The following DMD variants were observed in gnomAD, a reference collection of about 807,000 sequenced individuals.
DMD encodes dystrophin.
DMD carries 63 observed loss-of-function variants against 330.1 expected under a neutral mutation model. That is an observed-to-expected ratio of 0.19 (90% confidence interval 0.16 to 0.24). DMD has a LOEUF of 0.24. Ranked by LOEUF, DMD falls within the 10% of genes least tolerant of loss-of-function variation. DMD has a pLI of 1.00. For synonymous variants in DMD, 1,223 were observed against 959.8 expected, an observed-to-expected ratio of 1.27 and a Z score of -5.07; for missense variants, 3,344 against 2,684.1, an observed-to-expected ratio of 1.25 and a Z score of -5.43.
chrX:31,576,768 T>TTTTTTTTTTTTTTTTTTTCA (rs2076122222), intron 55 of DMD, among the ~76,000 whole-genome samples: 1 of 109,586 alleles, frequency 9.1e-6, no homozygotes, highest in African/African-American at 3.3e-5. Flanking sequence ...TGTTTTTTTT[T>TTTTTTTTTTTTTTTTTTTCA]GACAGAGTCT....
At chrX:32,974,387 T>C (rs1602339483) in intron 2 of DMD, among the ~76,000 whole-genome samples, 1 of 111,317 alleles carries the variant, frequency 9.0e-6, no homozygotes, top group East Asian at 2.8e-4. Flanking sequence ...TGCATAGCTC[T>C]GTGAACATAC....
intron 1 of DMD, among the ~76,000 whole-genome samples, chrX:33,105,061 T>C (rs2095273701): frequency 8.9e-6 from 1 of 112,293 alleles, no homozygotes; most frequent in East Asian, 2.8e-4. Context: ...AATTGCAACA[T>C]TTTAAAACGT....
At chrX:32,879,021 A>ACAAAAAAAAAAACAAACAAAC (rs1557109750) in intron 2 of DMD, among the ~76,000 whole-genome samples, 42 of 101,792 alleles carry the variant, frequency 4.1e-4, no homozygotes, top group African/African-American at 1.4e-3. Flanking sequence ...AAAAAAACAA[A>ACAAAAAAAAAAACAAACAAAC]AAACAAAAAA....
intron 51 of DMD, among the ~76,000 whole-genome samples, chrX:31,750,597 G>T (rs2088452329): frequency 9.0e-6 from 1 of 110,861 alleles, no homozygotes; most frequent in Non-Finnish European, 1.9e-5. Flanking sequence ...AGACAGGGAT[G>T]CCCTCTCTCA....
chrX:31,899,765 T>G (rs1431685232), intron 47 of DMD, among the ~76,000 whole-genome samples: 2 of 111,198 alleles, frequency 1.8e-5, no homozygotes, highest in African/African-American at 6.5e-5. Flanking sequence ...AATATGTATA[T>G]CCAAGCTCCA....
intron 7 of DMD, among the ~76,000 whole-genome samples, chrX:32,766,693 A>T (rs777225811): frequency 1.8e-4 from 20 of 111,377 alleles, no homozygotes; most frequent in Non-Finnish European, 3.6e-4. Context: ...TCTGATGAAA[A>T]TTTGAAATGC....
intron 60 of DMD, among the ~76,000 whole-genome samples, chrX:31,387,203 A>C (rs933085215): frequency 9.0e-6 from 1 of 111,546 alleles, no homozygotes; most frequent in East Asian, 2.8e-4. Context: ...TATGATCTGA[A>C]ATCTACAGCC....
At chrX:32,925,088 A>AT (rs200835242) in intron 2 of DMD, among the ~76,000 whole-genome samples, 1,341 of 95,226 alleles carry the variant, frequency 0.014, 25 homozygotes, top group African/African-American at 0.05. Context: ...CAGGAATATG[A>AT]TTTTCAATGT....
At chrX:31,877,069 T>C (rs1305179777) in intron 47 of DMD, among the ~76,000 whole-genome samples, 1 of 111,953 alleles carries the variant, frequency 8.9e-6, no homozygotes, top group Non-Finnish European at 1.9e-5. Flanking sequence ...CATTGTTTAA[T>C]TGGATGCAAG....
chrX:32,458,468 C>G (rs12391734), intron 25 of DMD, among the ~76,000 whole-genome samples: 1 of 110,954 alleles, frequency 9.0e-6, no homozygotes, highest in Admixed American at 9.6e-5. Context: ...GGTGCAGATA[C>G]CTCCTTGAGA....
intron 51 of DMD, among the ~76,000 whole-genome samples, chrX:31,751,176 C>G (rs1166951050): frequency 9.2e-6 from 1 of 109,229 alleles, no homozygotes; most frequent in Non-Finnish European, 1.9e-5. Flanking sequence ...CAAAAAAGAG[C>G]CCGCATCGCC....
chrX:33,123,502 C>T (rs772916763), intron 1 of DMD, among the ~76,000 whole-genome samples: 1 of 110,650 alleles, frequency 9.0e-6, no homozygotes, highest in African/African-American at 3.3e-5. Flanking sequence ...ATGCAACCTC[C>T]GCCTCCCGGG....
chrX:33,195,503 C>T (rs760916477), intron 1 of DMD, among the ~76,000 whole-genome samples: 2 of 111,610 alleles, frequency 1.8e-5, no homozygotes, highest in South Asian at 7.6e-4. Flanking sequence ...CTTTGTAACT[C>T]CTCAAAGGAA....
At chrX:32,773,316 G>A (rs2073819710) in intron 7 of DMD, among the ~76,000 whole-genome samples, 2 of 110,815 alleles carry the variant, frequency 1.8e-5, no homozygotes, top group South Asian at 7.7e-4. Flanking sequence ...GGGGTGCATG[G>A]GATATTTTGA....
chrX:31,581,425 G>A (rs1339270380), intron 55 of DMD, among the ~76,000 whole-genome samples: 2 of 112,031 alleles, frequency 1.8e-5, no homozygotes, highest in African/African-American at 6.5e-5. Context: ...AAAGGTCAAA[G>A]TTAAATTTTA....
At chrX:32,696,586 G>C (rs761488075) in intron 9 of DMD, among the ~76,000 whole-genome samples, 1 of 111,744 alleles carries the variant, frequency 8.9e-6, no homozygotes, top group African/African-American at 3.3e-5. Context: ...AGTCATACCT[G>C]AGCGATGCCT....
intron 7 of DMD, among the ~76,000 whole-genome samples, chrX:32,699,498 A>C (rs1362519506): frequency 2.7e-5 from 3 of 112,106 alleles, no homozygotes; most frequent in Non-Finnish European, 5.6e-5. Context: ...TGAGCAGTAA[A>C]GTTAATTTAT....
intron 41 of DMD, among the ~76,000 whole-genome samples, chrX:32,312,204 C>T (rs1425418945): frequency 1.8e-5 from 2 of 111,020 alleles, no homozygotes. Flanking sequence ...CAGAATTGGA[C>T]ATATCTTGAA....
At chrX:31,404,523 T>C (rs1288906179) in intron 60 of DMD, among the ~76,000 whole-genome samples, 3 of 112,181 alleles carry the variant, frequency 2.7e-5, no homozygotes, top group Non-Finnish European at 5.6e-5. Context: ...TCCATAACAC[T>C]GCACAGATGT....
Sources: allele counts gnomAD v4.1 joint callset (sites outside exome capture counted in the v4.1 genomes callset), GRCh38; gene constraint gnomAD v4.1.1; transcripts MANE v1.5; gene names NCBI Gene and HGNC (gene_info 2026-07-23, HGNC 2026-07-21).